ARHGAP17: variants seen among roughly 807,000 people sequenced by gnomAD.
ARHGAP17 encodes Rho GTPase activating protein 17, also known as rho GTPase-activating protein 17.
ARHGAP17 carries 57 observed loss-of-function variants against 99.5 expected under a neutral mutation model. That is an observed-to-expected ratio of 0.57 (90% CI 0.46 to 0.71). The LOEUF is 0.71. Among genes scored for constraint, ARHGAP17 ranks in the 30% least tolerant of loss-of-function variants. ARHGAP17 has a pLI of 0.00. For missense variants in ARHGAP17, 1,000 were observed against 1,122.4 expected, an observed-to-expected ratio of 0.89 and a Z score of 1.56; for synonymous variants, 417 against 429.6, an observed-to-expected ratio of 0.97 and a Z score of 0.36.
At chr16:24,979,071 T>TTA in intron 1 of ARHGAP17, 66 bp from the exon 2 acceptor site, 1 of 1,183,842 alleles carries the variant, frequency 8.4e-7, no homozygotes. Context: ...TAAAATTTAA[T>TTA]AATTATTAGC....
At chr16:24,968,501 GT>G in intron 5 of ARHGAP17, 74 bp from the exon 6 acceptor site, 1 of 1,577,728 alleles carries the variant, frequency 6.3e-7, no homozygotes, top group Admixed American at 1.7e-5. Context: ...ATTTACAAAC[GT>G]TTTTTCTCTA....
chr16:24,966,225 G>A (rs1266920055), intron 6 of ARHGAP17, among the ~76,000 whole-genome samples: 13 of 152,178 alleles, frequency 8.5e-5, no homozygotes, highest in Non-Finnish European at 1.8e-4. Context: ...GGCCAGGTGT[G>A]ATGACTCACA....
intron 1 of ARHGAP17, among the ~76,000 whole-genome samples, chr16:24,990,406 A>C (rs1366427152): frequency 6.6e-6 from 1 of 152,092 alleles, no homozygotes; most frequent in African/African-American, 2.4e-5. Flanking sequence ...GGATTGTTTG[A>C]GCCCAGGAGG....
intron 3 of ARHGAP17, among the ~76,000 whole-genome samples, chr16:24,975,738 C>T (rs2052495133): frequency 6.6e-6 from 1 of 152,186 alleles, no homozygotes; most frequent in African/African-American, 2.4e-5. Flanking sequence ...CATAGCTTCC[C>T]TGTGTGTCAC....
At position 24,949,498 on chromosome 16, in the gene ARHGAP17, C is replaced by G. The variant is rs770995247; in HGVS notation, c.1047-14G>C. On this transcript the variant is annotated splice_polypyrimidine_tract_variant and intron_variant, in intron 12 of 19. Coordinates refer to ENST00000289968, the MANE Select transcript of ARHGAP17 (RefSeq NM_001006634.3). ...TGATCCTGCACACTGAGAACAAAAACTTTTAAGTACAACAACTTATTAAGA... is the reference window on the plus strand; with the variant it reads ...TGATCCTGCACACTGAGAACAAAAAGTTTTAAGTACAACAACTTATTAAGA... The G allele has an allele frequency of 6.8e-6, 11 of 1,607,972 alleles. No homozygotes were observed. In the South Asian group the frequency reaches 1.2e-4, roughly 18 times the overall value.
At chr16:25,007,152 A>G (rs1411331689) in intron 1 of ARHGAP17, among the ~76,000 whole-genome samples, 2 of 152,196 alleles carry the variant, frequency 1.3e-5, no homozygotes, top group African/African-American at 4.8e-5. Flanking sequence ...TCCAAGATAA[A>G]TAAGTTTAAA....
At chr16:25,012,907 T>G (rs2053678911) in intron 1 of ARHGAP17, among the ~76,000 whole-genome samples, 1 of 152,028 alleles carries the variant, frequency 6.6e-6, no homozygotes, top group African/African-American at 2.4e-5. Context: ...TTTCCCATAC[T>G]CGGGCCCACA....
intron 1 of ARHGAP17, among the ~76,000 whole-genome samples, chr16:24,999,399 T>TTTTATTTATTTA (rs138044912): frequency 4.6e-4 from 69 of 149,502 alleles, no homozygotes; most frequent in Non-Finnish European, 8.2e-4. Flanking sequence ...TCTACAGGTG[T>TTTTATTTATTTA]TTTATTTATT....
chr16:24,941,297 C>T (rs1006383258), intron 16 of ARHGAP17, among the ~76,000 whole-genome samples: 2 of 152,194 alleles, frequency 1.3e-5, no homozygotes, highest in East Asian at 1.9e-4. Flanking sequence ...GGCCTCTTAA[C>T]TGTTAGCATT....
intron 1 of ARHGAP17, among the ~76,000 whole-genome samples, chr16:24,984,011 T>C (rs2052780596): frequency 6.6e-6 from 1 of 152,196 alleles, no homozygotes; most frequent in Non-Finnish European, 1.5e-5. Flanking sequence ...CTGAGCTCAC[T>C]TGCCAGGCAA....
intron 19 of ARHGAP17, among the ~76,000 whole-genome samples, chr16:24,927,955 T>A (rs1414699626): frequency 6.6e-6 from 1 of 152,130 alleles, no homozygotes; most frequent in Non-Finnish European, 1.5e-5. Flanking sequence ...GCAGCAATAA[T>A]CTCCCCCCAA....
At chr16:24,990,914 T>G (rs1242382184) in intron 1 of ARHGAP17, among the ~76,000 whole-genome samples, 1 of 152,032 alleles carries the variant, frequency 6.6e-6, no homozygotes, top group Non-Finnish European at 1.5e-5. Context: ...GCAGCCATAA[T>G]GCACTGCAGC....
chr16:24,960,157 G>A (rs2051941674), intron 7 of ARHGAP17, among the ~76,000 whole-genome samples, 178 bp from the exon 8 acceptor site: 1 of 152,186 alleles, frequency 6.6e-6, no homozygotes, highest in Non-Finnish European at 1.5e-5. Context: ...TTACATGACT[G>A]ACAAAGAAAG....
At chr16:24,942,717 G>A (rs533207523) in intron 15 of ARHGAP17, among the ~76,000 whole-genome samples, 130 of 149,120 alleles carry the variant, frequency 8.7e-4, no homozygotes, top group African/African-American at 3.2e-3. Flanking sequence ...GCAGTGGGCC[G>A]AGATCGCGCC....
intron 17 of ARHGAP17, among the ~76,000 whole-genome samples, chr16:24,938,218 G>A (rs1448286641): frequency 2.0e-5 from 3 of 152,082 alleles, no homozygotes; most frequent in Admixed American, 2.0e-4. Context: ...AAAAAAATTA[G>A]CCTGGCATGG....
At chr16:24,992,779 A>G (rs1866815411) in intron 1 of ARHGAP17, among the ~76,000 whole-genome samples, 1 of 152,230 alleles carries the variant, frequency 6.6e-6, no homozygotes, top group African/African-American at 2.4e-5. Flanking sequence ...GTGGATCATA[A>G]CATGTAATCA....
At chr16:24,947,188 C>T (rs1211498481) in intron 14 of ARHGAP17, among the ~76,000 whole-genome samples, 1 of 152,170 alleles carries the variant, frequency 6.6e-6, no homozygotes, top group Non-Finnish European at 1.5e-5. Context: ...TATACACACA[C>T]ATAAATATGT....
In ARHGAP17 at chr16:24,978,518, C is replaced by A. The variant is rs181437134; in HGVS notation, c.93+448G>T. On this transcript the variant is annotated intron_variant, in intron 2 of 19. Coordinates refer to ENST00000289968, the MANE Select transcript of ARHGAP17 (RefSeq NM_001006634.3). ...ACAGGGCAAATCAAGGGATGTTTCACGTCAGAAACAGACAGTCTCTGTGGC... is the reference window on the plus strand; with the variant it reads ...ACAGGGCAAATCAAGGGATGTTTCAAGTCAGAAACAGACAGTCTCTGTGGC... 6.6e-5 allele frequency among the ~76,000 whole-genome samples: 10 copies of A among 152,276 alleles called. No homozygotes were observed. In the East Asian group the frequency reaches 1.7e-3, roughly 26 times the overall value.
intron 7 of ARHGAP17, among the ~76,000 whole-genome samples, chr16:24,961,972 G>GT (rs59272654): frequency 1.2e-4 from 16 of 136,794 alleles, no homozygotes; most frequent in South Asian, 2.2e-4. Context: ...GAGAGAGTTT[G>GT]TTTTTTTTTT....
Sources: gnomAD v4.1 joint callset for allele counts (sites outside exome capture counted in the v4.1 genomes callset) on GRCh38, gnomAD v4.1.1 for gene constraint, MANE v1.5 for transcripts, NCBI Gene and HGNC (gene_info 2026-07-23, HGNC 2026-07-21) for gene names.